AP1S3: variants seen among roughly 807,000 people sequenced by gnomAD.
AP1S3 encodes the protein adaptor related protein complex 1 subunit sigma 3.
In AP1S3, 10 loss-of-function variants were observed where a neutral mutation model predicts 20.9. The observed-to-expected ratio is 0.48, with a 90% CI of 0.29 to 0.81. The LOEUF is 0.81. Among genes scored for constraint, AP1S3 ranks in the 30% least tolerant of loss-of-function variants. AP1S3 has a pLI of 0.08. For missense variants in AP1S3, 154 were observed against 183.8 expected, an observed-to-expected ratio of 0.84 and a Z score of 0.94; for synonymous variants, 41 against 61.5, an observed-to-expected ratio of 0.67 and a Z score of 1.56.
intron 3 of AP1S3, chr2:223,770,381 C>A: frequency 6.5e-7 from 1 of 1,544,932 alleles, no homozygotes; most frequent in Non-Finnish European, 8.7e-7. Context: ...TTCTTATACC[C>A]CACTTTGACA....
chr2:223,829,558 T>C (rs942579289), intron 1 of AP1S3, among the ~76,000 whole-genome samples: 25 of 152,022 alleles, frequency 1.6e-4, no homozygotes, highest in African/African-American at 5.8e-4. Flanking sequence ...AGAAACCTTG[T>C]CTCTCAGGAG....
At chr2:223,817,639 T>G (rs1574724385) in intron 1 of AP1S3, among the ~76,000 whole-genome samples, 1 of 148,688 alleles carries the variant, frequency 6.7e-6, no homozygotes. Flanking sequence ...AGAAAACTAT[T>G]TGGAAGAGTT....
chr2:223,783,572 C>T (rs1009179668), intron 1 of AP1S3, among the ~76,000 whole-genome samples: 3 of 152,222 alleles, frequency 2.0e-5, no homozygotes, highest in Admixed American at 1.3e-4. Context: ...AAGCACGAAG[C>T]GCAGCAGCAC....
chr2:223,796,931 T>C (rs1691351486), intron 1 of AP1S3, among the ~76,000 whole-genome samples: 2 of 151,924 alleles, frequency 1.3e-5, no homozygotes, highest in South Asian at 4.1e-4. Context: ...CCCAAAGTGC[T>C]GGGATTACAG....
chr2:223,833,333 C>T (rs1174962895), intron 1 of AP1S3, among the ~76,000 whole-genome samples: 2 of 152,036 alleles, frequency 1.3e-5, no homozygotes, highest in Admixed American at 1.3e-4. Context: ...TACATTCTGC[C>T]CCATAAGCCT....
chr2:223,836,630 C>T (rs1337330328), intron 1 of AP1S3, among the ~76,000 whole-genome samples: 1 of 152,212 alleles, frequency 6.6e-6, no homozygotes, highest in African/African-American at 2.4e-5. Flanking sequence ...ATCCCCGTTA[C>T]TCGGGAGGCT....
In AP1S3 at chr2:223,821,797, C is replaced by T. The variant is rs74790556; in HGVS notation, c.3+15651G>A. Among the ~76,000 whole-genome samples the T allele has an allele frequency of 8.2e-4, 125 of 152,290 alleles. 2 individuals carry two copies. The East Asian group carries it at 0.019, about 23-fold the overall frequency. On this transcript the variant is annotated intron_variant, in intron 1 of 4. Transcript: ENST00000396654. The stretch of plus-strand genomic sequence containing the variant: ...ACAACTGAGCATCAGGCCAGCCTTG[C>T]TTTTGATTCTGACATACTTGGAAAA...
chr2:223,835,908 A>G (rs1197394743), intron 1 of AP1S3, among the ~76,000 whole-genome samples: 1 of 152,184 alleles, frequency 6.6e-6, no homozygotes, highest in African/African-American at 2.4e-5. Context: ...GGCAAATTAC[A>G]CTGGTGGACT....
At chr2:223,799,019 CGA>C (rs1691409532) in intron 1 of AP1S3, among the ~76,000 whole-genome samples, 1 of 152,024 alleles carries the variant, frequency 6.6e-6, no homozygotes, top group African/African-American at 2.4e-5. Context: ...TTGCATGGAG[CGA>C]GATTGCGCCA....
rs139347744 is a variant in AP1S3 at position 223,758,662 on chromosome 2, C to T, written c.*53G>A. 1.6e-4 allele frequency: 238 copies of T among 1,519,268 alleles called. 3 individuals are homozygous for T. In the African/African-American group the frequency reaches 2.9e-3, roughly 19 times the overall value. 94.1% of individuals were successfully genotyped at this position (1,519,268 alleles called of 1,614,324 possible). On this transcript the variant is annotated 3_prime_UTR_variant, in exon 5 of 5. Transcript: ENST00000396654. ...TCAAAAAACCGGATGGGAGGCGTTG[C>T]TTATTTACAGCTTCATAACATGTAG... is the stretch of plus-strand genomic sequence containing the variant.
At chr2:223,770,073 T>C (rs895976353) in intron 3 of AP1S3, 2 of 1,406,966 alleles carry the variant, frequency 1.4e-6, no homozygotes, top group African/African-American at 2.9e-5. Context: ...CCGTATATGT[T>C]TAGAGGGACA....
At position 223,755,498 on chromosome 2, in the gene AP1S3, C is replaced by T. The variant is rs187261497; in HGVS notation, c.*3217G>A. On this transcript the variant is annotated 3_prime_UTR_variant, in exon 5 of 5. Transcript: ENST00000396654. ...CCTAAAATCCCTCAAATTTACCCCA[C>T]TGTGCCATATAGATATGTTTACTTA... 4.2e-3 allele frequency among the ~76,000 whole-genome samples: 630 copies of T among 151,060 alleles called. 1 individual carries two copies. Among genetic ancestry groups the T allele is most frequent in the Middle Eastern group, 6.9e-3 (2 of 290 alleles).
At position 223,764,747 on chromosome 2, in the gene AP1S3, AG is replaced by A. The variant is rs1330161891; in HGVS notation, c.429+465del. On this transcript the variant is annotated intron_variant, in intron 4 of 4. Coordinates refer to ENST00000396654, the MANE Select transcript of AP1S3 (RefSeq NM_001039569.2). ...CAATGTACTGCTATTCTCCTTTCCC[AG>A]GGAAGCATAGGTATTTTAATGAAAG... Among the ~76,000 whole-genome samples, 15 of 152,322 alleles carry A rather than the reference AG, an allele frequency of 9.8e-5. 1 individual carries two copies. Among genetic ancestry groups the A allele is most frequent in the African/African-American group, 2.9e-4 (12 of 41,588 alleles).
rs531538778 is a variant in AP1S3, at chr2:223,806,612, G to A, written c.4-28743C>T. Reference sequence around the variant, plus strand: ...AAAGGATTATTTTTATGTCATTTTAGCTGTATATGACATAATTTAGATTGT... The same window carrying A: ...AAAGGATTATTTTTATGTCATTTTAACTGTATATGACATAATTTAGATTGT... On this transcript the variant is annotated intron_variant, in intron 1 of 4. Coordinates refer to ENST00000396654, the MANE Select transcript of AP1S3 (RefSeq NM_001039569.2). 5.9e-5 allele frequency among the ~76,000 whole-genome samples: 9 copies of A among 152,060 alleles called. No individual in the cohort carries two copies. The East Asian group carries it at 1.7e-3, about 29-fold the overall frequency.
At chr2:223,806,790 T>C (rs1246673188) in intron 1 of AP1S3, among the ~76,000 whole-genome samples, 1 of 152,186 alleles carries the variant, frequency 6.6e-6, no homozygotes, top group Non-Finnish European at 1.5e-5. Context: ...ATTTCAGCCT[T>C]GTTCATGTTT....
At chr2:223,817,242 C>T (rs1395641683) in intron 1 of AP1S3, among the ~76,000 whole-genome samples, 1 of 152,162 alleles carries the variant, frequency 6.6e-6, no homozygotes, top group Non-Finnish European at 1.5e-5. Flanking sequence ...AACCAAAAGT[C>T]AACCTGGCTC....
chr2:223,826,484 T>C (rs1232947802), intron 1 of AP1S3, among the ~76,000 whole-genome samples: 1 of 151,980 alleles, frequency 6.6e-6, no homozygotes, highest in Non-Finnish European at 1.5e-5. Context: ...TCCCAGCTAA[T>C]TGAGAGGCTG....
chr2:223,784,765 G>A (rs867640793), intron 1 of AP1S3, among the ~76,000 whole-genome samples: 2 of 152,110 alleles, frequency 1.3e-5, no homozygotes, highest in African/African-American at 4.8e-5. Flanking sequence ...TTGTGAGTCC[G>A]AGGTGGGAAG....
chr2:223,805,869 A>G (rs1040060044), intron 1 of AP1S3, among the ~76,000 whole-genome samples: 1 of 152,320 alleles, frequency 6.6e-6, no homozygotes, highest in East Asian at 1.9e-4. Context: ...AAATTTGAAT[A>G]TGTTCTGTGC....
Sources: allele counts gnomAD v4.1 joint callset (sites outside exome capture counted in the v4.1 genomes callset), GRCh38; gene constraint gnomAD v4.1.1; transcripts MANE v1.5; gene names NCBI Gene and HGNC (gene_info 2026-07-23, HGNC 2026-07-21).